Variants in FYB1 observed in about 807,000 individuals in gnomAD.
FYB1 encodes the protein FYN binding protein 1, also known as FYN-binding protein 1.
Under a neutral mutation model 94.1 loss-of-function variants are expected in FYB1, and 41 were observed. The observed-to-expected ratio is 0.44, with a 90% CI of 0.34 to 0.57. The LOEUF is 0.57. Ranked by LOEUF, FYB1 falls within the 20% of genes least tolerant of loss-of-function variation. The probability of loss-of-function intolerance (pLI) is 0.02; values close to 1 mark genes in which losing one functional copy is unlikely to be tolerated. For missense variants in FYB1, 1,050 were observed against 976.8 expected (o/e 1.07, Z -1.00); for synonymous variants, 367 against 353.2 (o/e 1.04, Z -0.44).
At chr5:39,109,934 C>T (rs1738904808) in intron 17 of FYB1, among the ~76,000 whole-genome samples, 1 of 152,052 alleles carries the variant, frequency 6.6e-6, no homozygotes, top group Non-Finnish European at 1.5e-5. Context: ...TAATTAAGGG[C>T]TAAATTATGA....
chr5:39,217,937 C>A (rs1749997147), intron 1 of FYB1, among the ~76,000 whole-genome samples: 1 of 152,110 alleles, frequency 6.6e-6, no homozygotes, highest in African/African-American at 2.4e-5. Flanking sequence ...TCAAAGCCAC[C>A]GCCTGCACTT....
chr5:39,202,212 T>G lies in FYB1; in HGVS notation c.749A>C (p.His250Pro). 1 of 1,613,982 alleles carries G rather than the reference T, an allele frequency of 6.2e-7. No homozygotes were observed. Among genetic ancestry groups the G allele is most frequent in the South Asian group, 1.1e-5 (1 of 91,082 alleles). The part of the protein sequence containing the change: ...PAREDSENKD[H>P]AGEISSLPFP... ...GGGCAAACTTGAAATCTCCCCTGCA[T>G]GGTCTTTATTTTCTGAGTCTTCCCT... is the stretch of plus-strand genomic sequence containing the variant. The change falls in exon 2 of 19, where the codon CAT becomes CCT. Residue 250 changes from histidine to proline, a missense_variant. Transcript: ENST00000512982.
chr5:39,229,269 T>C (rs970235313), intron 1 of FYB1, among the ~76,000 whole-genome samples: 2 of 152,150 alleles, frequency 1.3e-5, no homozygotes, highest in Non-Finnish European at 2.9e-5. Context: ...ATGTCCACCA[T>C]TCCCCAGTAG....
chr5:39,235,873 T>C (rs563900188), intron 1 of FYB1, among the ~76,000 whole-genome samples: 1 of 152,094 alleles, frequency 6.6e-6, no homozygotes, highest in Admixed American at 6.6e-5. Context: ...TCTTTTGTAG[T>C]GATAGAAATA....
chr5:39,181,152 G>A (rs575628034), intron 2 of FYB1, among the ~76,000 whole-genome samples: 19 of 152,296 alleles, frequency 1.2e-4, no homozygotes, highest in African/African-American at 3.1e-4. Flanking sequence ...AACAGAATAC[G>A]TATGATGTTG....
chr5:39,188,115 C>T (rs73749453), intron 2 of FYB1, among the ~76,000 whole-genome samples: 1,983 of 152,224 alleles, frequency 0.013, 50 homozygotes, highest in African/African-American at 0.046. Context: ...GTTGCTGCAG[C>T]CCTCCAAAGG....
intron 2 of FYB1, among the ~76,000 whole-genome samples, chr5:39,190,244 T>G (rs1207227251): frequency 6.6e-6 from 1 of 152,168 alleles, no homozygotes; most frequent in Non-Finnish European, 1.5e-5. Context: ...GAAGGGAGAT[T>G]TGCAATGATG....
intron 1 of FYB1, among the ~76,000 whole-genome samples, chr5:39,227,635 T>G (rs2150565137): frequency 6.6e-6 from 1 of 152,332 alleles, no homozygotes; most frequent in Non-Finnish European, 1.5e-5. Context: ...TGATGGAAAT[T>G]TCTAGCTTTC....
chr5:39,150,536 T>C (rs1201436262), intron 3 of FYB1, among the ~76,000 whole-genome samples: 2 of 152,196 alleles, frequency 1.3e-5, no homozygotes, highest in African/African-American at 2.4e-5. Context: ...AAATAGAAAC[T>C]CTTGAGATCT....
chr5:39,273,682 T>A (rs1346961343), intron 1 of FYB1, among the ~76,000 whole-genome samples: 1 of 152,182 alleles, frequency 6.6e-6, no homozygotes, highest in East Asian at 1.9e-4. Flanking sequence ...TTTCATACAT[T>A]TTTATTTTAG....
intron 11 of FYB1, among the ~76,000 whole-genome samples, chr5:39,126,476 G>T (rs919825964): frequency 4.0e-5 from 6 of 151,796 alleles, no homozygotes; most frequent in African/African-American, 1.5e-4. Context: ...TGGGAGGATT[G>T]CTTAAGCCCA....
chr5:39,201,756 T>A lies in FYB1; in HGVS notation c.1135+70A>T, dbSNP rs924677314. ...AGAATCATTCCTTGTTACAAAACTT[T>A]CCCCAGAAGCTAAAACATTCTCTGC... On this transcript the variant is annotated intron_variant, in intron 2 of 18. Transcript: ENST00000512982. 2.9e-6 allele frequency: 4 copies of A among 1,371,788 alleles called. No individual in the cohort carries two copies. In the African/African-American group the frequency reaches 5.8e-5, roughly 20 times the overall value. 85.0% of individuals were successfully genotyped at this position (1,371,788 alleles called of 1,614,324 possible).
At chr5:39,141,246 C>T (rs775380357) in intron 3 of FYB1, 105 bp from the exon 4 acceptor site, 2 of 814,262 alleles carry the variant, frequency 2.5e-6, no homozygotes, top group Admixed American at 2.4e-5. Context: ...TTTTCTTGAA[C>T]CTTTGCTCTG....
intron 2 of FYB1, among the ~76,000 whole-genome samples, chr5:39,179,129 T>C (rs1008295436): frequency 2.6e-5 from 4 of 152,188 alleles, no homozygotes; most frequent in African/African-American, 9.7e-5. Flanking sequence ...CTTATGAAAA[T>C]ATCCATTTAA....
rs114364715 is a variant in FYB1, at chr5:39,249,789, G to C, written c.-28+24614C>G. ...GTTACAGAATACAAGAGGAGGAACA[G>C]ATCTGGTGAAAGATGGTGACTTCAT... On this transcript the variant is annotated intron_variant, in intron 1 of 1. Transcript: ENST00000510188. Among the ~76,000 whole-genome samples the C allele has an allele frequency of 1.0e-2, 1,517 of 152,304 alleles. 17 individuals carry two copies. Among genetic ancestry groups the C allele is most frequent in the African/African-American group, 0.032 (1,338 of 41,552 alleles).
intron 1 of FYB1, among the ~76,000 whole-genome samples, chr5:39,241,512 C>T (rs1751205510): frequency 6.6e-6 from 1 of 152,122 alleles, no homozygotes; most frequent in Non-Finnish European, 1.5e-5. Context: ...CTTCCTCCTA[C>T]CTCTCCTTCC....
intron 1 of FYB1, among the ~76,000 whole-genome samples, chr5:39,252,306 G>C (rs1751752825): frequency 6.6e-6 from 1 of 152,244 alleles, no homozygotes; most frequent in East Asian, 1.9e-4. Context: ...AAGAATGTGA[G>C]CTAATGTTTA....
chr5:39,204,107 G>A (rs1403439892), intron 1 of FYB1, among the ~76,000 whole-genome samples: 1 of 151,954 alleles, frequency 6.6e-6, no homozygotes, highest in Non-Finnish European at 1.5e-5. Flanking sequence ...CCATACCCAG[G>A]CACATTTCAT....
At chr5:39,121,520 G>C (rs183868787) in intron 14 of FYB1, among the ~76,000 whole-genome samples, 9 of 152,210 alleles carry the variant, frequency 5.9e-5, no homozygotes, top group African/African-American at 2.2e-4. Context: ...AACTTACTGT[G>C]TTCCATTTAT....
Sources: gnomAD v4.1 joint callset for allele counts (sites outside exome capture counted in the v4.1 genomes callset) on GRCh38, gnomAD v4.1.1 for gene constraint, MANE v1.5 for transcripts, NCBI Gene and HGNC (gene_info 2026-07-23, HGNC 2026-07-21) for gene names.